AUTS2: variants seen among roughly 807,000 people sequenced by gnomAD.
AUTS2 encodes the protein activator of transcription and developmental regulator AUTS2.
Under a neutral mutation model 112.4 loss-of-function variants are expected in AUTS2, and 17 were observed. That is an observed-to-expected ratio of 0.15 (90% CI 0.10 to 0.23). The LOEUF (loss-of-function observed/expected upper bound fraction) is 0.23. AUTS2 is among the 10% of genes least tolerant of loss of function. The pLI, the probability that AUTS2 is intolerant of heterozygous loss-of-function variation, is 1.00. For synonymous variants in AUTS2, 751 were observed against 702.7 expected (o/e 1.07, Z -1.09); for missense variants, 1,510 against 1,701.6 (o/e 0.89, Z 1.98).
chr7:70,336,621 T>G (rs577068522), intron 4 of AUTS2, among the ~76,000 whole-genome samples: 45 of 152,298 alleles, frequency 3.0e-4, no homozygotes, highest in Middle Eastern at 6.8e-3. Flanking sequence ...TGTATACACA[T>G]TCAGGATTCT....
intron 10 of AUTS2, among the ~76,000 whole-genome samples, chr7:70,769,932 C>T (rs1790230243): frequency 6.6e-6 from 1 of 151,898 alleles, no homozygotes; most frequent in Non-Finnish European, 1.5e-5. Flanking sequence ...TGGAATAAAG[C>T]AAAAAGAAAG....
intron 2 of AUTS2, among the ~76,000 whole-genome samples, chr7:69,954,077 T>C (rs1797127977): frequency 6.6e-6 from 1 of 152,128 alleles, no homozygotes; most frequent in Non-Finnish European, 1.5e-5. Flanking sequence ...TTAAAGTATT[T>C]ACATATATTT....
intron 5 of AUTS2, among the ~76,000 whole-genome samples, chr7:70,521,631 A>T (rs1799651872): frequency 6.6e-6 from 1 of 152,206 alleles, no homozygotes; most frequent in Admixed American, 6.5e-5. Flanking sequence ...TACTGAAGTA[A>T]ATTTTACTAG....
intron 5 of AUTS2, among the ~76,000 whole-genome samples, chr7:70,457,445 C>T (rs968467431): frequency 6.6e-6 from 1 of 152,182 alleles, no homozygotes; most frequent in African/African-American, 2.4e-5. Context: ...AACAGAGGAA[C>T]AGTGCCTCTC....
At chr7:70,511,556 A>ATTGTCTTTTTT (rs1563005631) in intron 5 of AUTS2, among the ~76,000 whole-genome samples, 2 of 41,766 alleles carry the variant, frequency 4.8e-5, no homozygotes, top group Admixed American at 2.5e-4. Flanking sequence ...ACTTTTTTTC[A>ATTGTCTTTTTT]TTTTCTTTTT....
intron 4 of AUTS2, among the ~76,000 whole-genome samples, chr7:70,242,637 A>G (rs1474368): frequency 0.34 from 51,906 of 152,094 alleles, 9,621 homozygotes; most frequent in African/African-American, 0.49. Flanking sequence ...ACATGAAAAT[A>G]TTATCATGCC....
rs184596655 is a variant in AUTS2, at chr7:70,639,487, G to A, written c.691-59082G>A. Among the ~76,000 whole-genome samples the A allele has an allele frequency of 1.4e-4, 21 of 151,478 alleles. No homozygotes were observed. In the East Asian group the frequency reaches 3.9e-3, roughly 28 times the overall value. On this transcript the variant is annotated intron_variant, in intron 5 of 18. Coordinates refer to ENST00000342771, the MANE Select transcript of AUTS2 (RefSeq NM_015570.4). ...AATAAGCCAGGCAGGTGTGTGGTGC[G>A]TGCCTGTGGTCTCAGCTACTGGGGG...
chr7:69,857,100 G>T (rs760864240), intron 1 of AUTS2, among the ~76,000 whole-genome samples: 2 of 152,030 alleles, frequency 1.3e-5, no homozygotes, highest in African/African-American at 4.8e-5. Context: ...AGTTCCTTTT[G>T]CCCTAGGCAC....
At chr7:69,885,526 A>G (rs1794236273) in intron 1 of AUTS2, among the ~76,000 whole-genome samples, 1 of 152,178 alleles carries the variant, frequency 6.6e-6, no homozygotes, top group Admixed American at 6.5e-5. Context: ...ATGAGACAAT[A>G]CTAAACTGTA....
intron 5 of AUTS2, among the ~76,000 whole-genome samples, chr7:70,592,653 A>C (rs900064498): frequency 1.3e-5 from 2 of 152,010 alleles, no homozygotes; most frequent in Non-Finnish European, 2.9e-5. Context: ...ATGAGCTACC[A>C]CGTCCACTGC....
intron 5 of AUTS2, among the ~76,000 whole-genome samples, chr7:70,586,699 G>A (rs1003955929): frequency 6.6e-6 from 1 of 152,132 alleles, no homozygotes; most frequent in African/African-American, 2.4e-5. Context: ...AAAGCTAGCT[G>A]CATATTTACG....
intron 2 of AUTS2, among the ~76,000 whole-genome samples, chr7:70,007,948 T>G (rs1364038757): frequency 6.6e-6 from 1 of 152,226 alleles, no homozygotes; most frequent in Non-Finnish European, 1.5e-5. Flanking sequence ...TGCTCAGTTT[T>G]TACATTGGCC....
chr7:69,984,013 A>G (rs1798402422), intron 2 of AUTS2, among the ~76,000 whole-genome samples: 1 of 152,174 alleles, frequency 6.6e-6, no homozygotes, highest in Non-Finnish European at 1.5e-5. Context: ...TTTTTTATGC[A>G]GGAATATGTG....
chr7:69,982,632 C>T (rs1798343467), intron 2 of AUTS2, among the ~76,000 whole-genome samples: 1 of 152,152 alleles, frequency 6.6e-6, no homozygotes, highest in East Asian at 1.9e-4. Context: ...TGCGTTTATA[C>T]GGCCACTTTT....
At chr7:69,997,855 T>C (rs781646885) in intron 2 of AUTS2, among the ~76,000 whole-genome samples, 12 of 152,200 alleles carry the variant, frequency 7.9e-5, no homozygotes, top group Non-Finnish European at 1.6e-4. Flanking sequence ...TCGTATTACC[T>C]GCAGGTTGAC....
chr7:70,532,752 G>A (rs1180690473), intron 5 of AUTS2, among the ~76,000 whole-genome samples: 1 of 152,116 alleles, frequency 6.6e-6, no homozygotes, highest in Admixed American at 6.5e-5. Context: ...GTCTTGACCA[G>A]TGAAGATGGA....
chr7:70,722,850 G>A (rs17684167), intron 6 of AUTS2, among the ~76,000 whole-genome samples: 17,528 of 152,154 alleles, frequency 0.12, 1,507 homozygotes, highest in East Asian at 0.38. Context: ...AGGGAGCCTC[G>A]CAGTGTCAGA....
At chr7:70,424,589 CTTTG>C (rs892976382) in intron 4 of AUTS2, among the ~76,000 whole-genome samples, 49 of 151,892 alleles carry the variant, frequency 3.2e-4, no homozygotes, top group African/African-American at 1.1e-3. Flanking sequence ...TTGTTTGTTT[CTTTG>C]TTTGTTTGTT....
chr7:69,851,572 A>G (rs1792486376), intron 1 of AUTS2, among the ~76,000 whole-genome samples: 1 of 152,176 alleles, frequency 6.6e-6, no homozygotes, highest in Admixed American at 6.5e-5. Flanking sequence ...CTGCATATCA[A>G]TTTTGGGAGA....
Sources: allele counts gnomAD v4.1 joint callset (sites outside exome capture counted in the v4.1 genomes callset), GRCh38; gene constraint gnomAD v4.1.1; transcripts MANE v1.5; gene names NCBI Gene and HGNC (gene_info 2026-07-23, HGNC 2026-07-21).